MAP7D2: variants seen among roughly 807,000 people sequenced by gnomAD.
MAP7D2 encodes MAP7 domain-containing protein 2.
Under a neutral mutation model 63.5 loss-of-function variants are expected in MAP7D2, and 33 were observed. The observed-to-expected ratio is 0.52, with a 90% CI of 0.39 to 0.70. The LOEUF (loss-of-function observed/expected upper bound fraction) is 0.70, where lower values mean the gene tolerates loss of function less well. Ranked by LOEUF, MAP7D2 falls within the 30% of genes least tolerant of loss-of-function variation. MAP7D2 has a pLI of 0.00. For synonymous variants in MAP7D2, 224 were observed against 223.7 expected (o/e 1.00, Z -0.01); for missense variants, 626 against 604.0 (o/e 1.04, Z -0.38).
At chrX:20,115,284 C>T (rs2066863815) in intron 1 of MAP7D2, among the ~76,000 whole-genome samples, 2 of 102,534 alleles carry the variant, frequency 2.0e-5, no homozygotes, top group African/African-American at 3.5e-5. Flanking sequence ...CAAATAAAAT[C>T]CAAGATACAC....
At chrX:20,055,756 G>C (rs1466213022) in intron 4 of MAP7D2, 1 of 996,014 alleles carries the variant, frequency 1.0e-6, no homozygotes, top group Non-Finnish European at 1.3e-6. Flanking sequence ...CGGCAGCTGC[G>C]GCAGTGGTCC....
At chrX:20,113,190 A>G (rs761353571) in intron 1 of MAP7D2, among the ~76,000 whole-genome samples, 36 of 111,959 alleles carry the variant, frequency 3.2e-4, no homozygotes, top group African/African-American at 1.1e-3. Flanking sequence ...GGTCCTTCCT[A>G]CTACCAAAGA....
chrX:20,026,587 C>A (rs933675012), intron 8 of MAP7D2, among the ~76,000 whole-genome samples: 2 of 112,060 alleles, frequency 1.8e-5, no homozygotes, highest in Non-Finnish European at 3.8e-5. Flanking sequence ...AGGAACACAG[C>A]CAAGAGATGG....
In MAP7D2 at chrX:20,007,392, AT is replaced by A. The variant is rs1343327420; in HGVS notation, c.*1032del. On this transcript the variant is annotated 3_prime_UTR_variant, in exon 17 of 17. Coordinates refer to ENST00000379643, the MANE Select transcript of MAP7D2 (RefSeq NM_001168465.2). ...TTAAGAAAACACACCATTATATGGC[AT>A]AAAATGTGTGGAGTATACATTCTAG... is the stretch of plus-strand genomic sequence containing the variant. 2 of 112,466 alleles carry A rather than the reference AT, an allele frequency of 1.8e-5. No individual in the cohort carries two copies. Among genetic ancestry groups the A allele is most frequent in the African/African-American group, 6.5e-5 (2 of 30,885 alleles). 9.3% of individuals were successfully genotyped at this position (112,466 alleles called of 1,213,427 possible). A position where few individuals can be genotyped will look rare whatever the true frequency, so the allele number is the denominator to read the frequency against.
rs755108489 is a variant in MAP7D2, at chrX:20,010,854, G to T, written c.2271C>A (p.Ile757=). 7.4e-6 allele frequency: 9 copies of T among 1,208,203 alleles called. No homozygotes were observed. The highest frequency in any genetic ancestry group is 3.0e-5 in the East Asian group (1 of 33,770). ...CTTGGCCAGGACTGTTAAATCCTTC[G>T]ATAAGGTTTTTGTTACAGTCGTCCA... ...LSLDDCNKNL[I]EGFNSPGQET... The change falls in exon 16 of 17, where the codon ATC becomes ATA. Residue 757 remains isoleucine (I), a synonymous_variant. Transcript: ENST00000379643.
intron 4 of MAP7D2, 80 bp downstream of exon 4, chrX:20,056,600 C>T (rs1393740136): frequency 3.7e-6 from 3 of 802,530 alleles, no homozygotes; most frequent in Non-Finnish European, 5.6e-6. Context: ...CCTGGAGACA[C>T]CCAGTGGTGC....
At chrX:20,023,012 A>G (rs994358718) in intron 10 of MAP7D2, among the ~76,000 whole-genome samples, 42 of 111,814 alleles carry the variant, frequency 3.8e-4, no homozygotes, top group African/African-American at 1.2e-3. Context: ...ATGTGCCTAG[A>G]GGGTCTGATA....
In MAP7D2 at chrX:20,086,574, T is replaced by C. The variant is rs377324085; in HGVS notation, c.131-21769A>G. Reference sequence around the variant, plus strand: ...CATCGTATGCGGAAATGTGCAGAAATAGGAAGCAGCCTCAGGAGACTTGGG... The same window carrying C: ...CATCGTATGCGGAAATGTGCAGAAACAGGAAGCAGCCTCAGGAGACTTGGG... On this transcript the variant is annotated intron_variant, in intron 1 of 16. Coordinates refer to ENST00000379643, the MANE Select transcript of MAP7D2 (RefSeq NM_001168465.2). Among the ~76,000 whole-genome samples, 23 of 110,961 alleles carry C rather than the reference T, an allele frequency of 2.1e-4. No homozygotes were observed. The South Asian group carries it at 3.4e-3, about 17-fold the overall frequency.
chrX:20,068,296 C>T (rs1902575430), intron 1 of MAP7D2, among the ~76,000 whole-genome samples: 1 of 112,103 alleles, frequency 8.9e-6, no homozygotes, highest in South Asian at 3.7e-4. Context: ...GCGGTTACCA[C>T]CCTGCAGTGA....
chrX:20,039,455 C>T (rs1023798146), intron 8 of MAP7D2, among the ~76,000 whole-genome samples: 1 of 112,075 alleles, frequency 8.9e-6, no homozygotes, highest in Non-Finnish European at 1.9e-5. Flanking sequence ...GGCGTAATTA[C>T]GACCTTATTA....
intron 6 of MAP7D2, chrX:20,049,996 A>G: frequency 8.6e-6 from 2 of 233,079 alleles, no homozygotes; most frequent in Admixed American, 5.6e-5. Context: ...CAGAAACAGT[A>G]TAACTGTTTG....
At chrX:20,041,382 G>C (rs1337913513) in intron 8 of MAP7D2, among the ~76,000 whole-genome samples, 1 of 112,093 alleles carries the variant, frequency 8.9e-6, no homozygotes, top group Non-Finnish European at 1.9e-5. Flanking sequence ...TTAATTCAGT[G>C]ATGTGCTATG....
intron 8 of MAP7D2, 25 bp from the exon 9 acceptor site, chrX:20,025,977 G>A (rs1416711441): frequency 1.7e-6 from 2 of 1,201,036 alleles, no homozygotes; most frequent in East Asian, 3.0e-5. Context: ...ATATGCCAGA[G>A]GATGATTACT....
chrX:20,025,283 A>G (rs1296151292), intron 9 of MAP7D2, among the ~76,000 whole-genome samples, 200 bp from the exon 10 acceptor site: 1 of 112,481 alleles, frequency 8.9e-6, no homozygotes. Flanking sequence ...CGCATTTTAC[A>G]GTGGAAGACA....
chrX:20,008,808 G>A (rs1569513055), intron 16 of MAP7D2, among the ~76,000 whole-genome samples: 1 of 111,600 alleles, frequency 9.0e-6, no homozygotes, highest in Non-Finnish European at 1.9e-5. Flanking sequence ...CAAGCAGTGT[G>A]AATAAAATAA....
At chrX:20,092,416 A>T (rs1049114801) in intron 1 of MAP7D2, among the ~76,000 whole-genome samples, 1 of 111,554 alleles carries the variant, frequency 9.0e-6, no homozygotes, top group Non-Finnish European at 1.9e-5. Context: ...TAAAGTCCAG[A>T]CCCACCAAAA....
rs924702043 is a variant in MAP7D2, at chrX:20,074,989, G to A, written c.131-10184C>T. On this transcript the variant is annotated intron_variant, in intron 1 of 16. Coordinates refer to ENST00000379643, the MANE Select transcript of MAP7D2 (RefSeq NM_001168465.2). ...AATCACTTGAACCTGGGAGGTGGAG[G>A]TTACAGTGAGCCAAGATCGTGCCAC... Among the ~76,000 whole-genome samples, 19 of 111,729 alleles carry A rather than the reference G, an allele frequency of 1.7e-4. No homozygotes were observed. The South Asian group carries it at 4.5e-3, about 27-fold the overall frequency.
rs1260843342 is a variant in MAP7D2, at chrX:20,063,510, C to G, written c.276G>C (p.Glu92Asp). Residue 92 changes from glutamate to aspartate, a missense_variant, in exon 3 of 17, where the codon GAG becomes GAC. Transcript: ENST00000379643. ...RARLQYEKQM[E>D]ERWRKLEEQR... The stretch of plus-strand genomic sequence containing the variant: ...GCTCTTCCAGTTTTCGCCATCGCTC[C>G]TCCATTTGCTTTTCGTACTGCAGCC... 3.3e-6 allele frequency: 4 copies of G among 1,212,109 alleles called. No homozygotes were observed. The South Asian group carries it at 7.0e-5, about 21-fold the overall frequency.
In MAP7D2 at chrX:20,069,513, C is replaced by G. The variant is rs187556910; in HGVS notation, c.131-4708G>C. Among the ~76,000 whole-genome samples, 54 of 110,762 alleles carry G rather than the reference C, an allele frequency of 4.9e-4. 2 individuals carry two copies. Among genetic ancestry groups the G allele is most frequent in the Admixed American group, 3.7e-3 (39 of 10,408 alleles). ...CATGAGCCACAGTCTATGGCCATCT[C>G]TTTCTTTTTTTAAAACCAGGGACCC... On this transcript the variant is annotated intron_variant, in intron 1 of 16. Transcript: ENST00000379643.
Sources: allele counts gnomAD v4.1 joint callset (sites outside exome capture counted in the v4.1 genomes callset), GRCh38; gene constraint gnomAD v4.1.1; transcripts MANE v1.5; gene names NCBI Gene and HGNC (gene_info 2026-07-23, HGNC 2026-07-21).